The following KCNQ5 variants were observed in gnomAD, a reference collection of about 807,000 sequenced individuals.
KCNQ5 encodes potassium voltage-gated channel subfamily KQT member 5.
Under a neutral mutation model 98.2 loss-of-function variants are expected in KCNQ5, and 30 were observed. That is an observed-to-expected ratio of 0.31 (90% CI 0.23 to 0.41). The LOEUF (loss-of-function observed/expected upper bound fraction) is 0.41. Among genes scored for constraint, KCNQ5 ranks in the 10% least tolerant of loss-of-function variants. KCNQ5 has a pLI of 1.00. For synonymous variants in KCNQ5, 458 were observed against 449.4 expected (o/e 1.02, Z -0.24); for missense variants, 835 against 1,182.5 (o/e 0.71, Z 4.31).
chr6:72,730,264 A>AT (rs1318770097), intron 1 of KCNQ5, among the ~76,000 whole-genome samples: 2 of 152,076 alleles, frequency 1.3e-5, no homozygotes, highest in Non-Finnish European at 2.9e-5. Context: ...AATTGTAAAT[A>AT]TTTTTTGTAT....
At chr6:73,028,724 TG>T in intron 2 of KCNQ5, among the ~76,000 whole-genome samples, 1 of 152,234 alleles carries the variant, frequency 6.6e-6, no homozygotes, top group Non-Finnish European at 1.5e-5. Context: ...TTCTTGTTAA[TG>T]TCCTGTAAAT....
rs1777930067 is a variant in KCNQ5, at chr6:73,169,623, A to G, written c.1469-123A>G. 1.1e-5 allele frequency: 8 copies of G among 695,832 alleles called. No homozygotes were observed. The Admixed American group carries it at 1.7e-4, about 15-fold the overall frequency. The allele number at this position is 695,832 out of a possible 1,614,324, so 43.1% of individuals were successfully genotyped here. A position where few individuals can be genotyped will look rare whatever the true frequency, so the allele number is the denominator to read the frequency against. On this transcript the variant is annotated intron_variant, in intron 10 of 13. Transcript: ENST00000370398. The stretch of plus-strand genomic sequence containing the variant: ...ATTGGCAAGACAATTGGCTGACCTT[A>G]TACATATCTTGGTTTATCAGCTTAC...
At chr6:73,022,902 G>A (rs553903168) in intron 2 of KCNQ5, among the ~76,000 whole-genome samples, 1 of 152,292 alleles carries the variant, frequency 6.6e-6, no homozygotes, top group East Asian at 1.9e-4. Context: ...TTGAAACAGA[G>A]AAGAACCTAC....
chr6:73,148,506 A>T (rs1777010723), intron 10 of KCNQ5, among the ~76,000 whole-genome samples: 1 of 152,236 alleles, frequency 6.6e-6, no homozygotes. Context: ...AAATCACAAA[A>T]AAAGTACTGG....
chr6:73,043,830 T>C (rs1771831096), intron 3 of KCNQ5, among the ~76,000 whole-genome samples: 1 of 152,246 alleles, frequency 6.6e-6, no homozygotes, highest in Non-Finnish European at 1.5e-5. Context: ...TGCCTTTTGA[T>C]AGCTGTTTTC....
At chr6:73,031,951 A>G (rs1771171627) in intron 2 of KCNQ5, among the ~76,000 whole-genome samples, 1 of 152,210 alleles carries the variant, frequency 6.6e-6, no homozygotes, top group Non-Finnish European at 1.5e-5. Flanking sequence ...ACTCCTCCGT[A>G]AGAAAAGATA....
chr6:72,875,116 C>A (rs964484122), intron 1 of KCNQ5, among the ~76,000 whole-genome samples: 8 of 152,070 alleles, frequency 5.3e-5, no homozygotes, highest in Non-Finnish European at 2.9e-5. Flanking sequence ...TTGTTTTATG[C>A]ATAAAGTGAT....
intron 1 of KCNQ5, among the ~76,000 whole-genome samples, chr6:72,876,887 A>C (rs1324900364): frequency 6.6e-6 from 1 of 152,184 alleles, no homozygotes; most frequent in Non-Finnish European, 1.5e-5. Context: ...ACTAAAACAC[A>C]GGAACCTGAG....
intron 2 of KCNQ5, among the ~76,000 whole-genome samples, chr6:73,005,178 CA>C (rs1431582818): frequency 6.6e-6 from 1 of 152,192 alleles, no homozygotes; most frequent in Non-Finnish European, 1.5e-5. Context: ...GTTACCGTTT[CA>C]AAGCCCAAGG....
chr6:73,103,569 G>A (rs1166409959), intron 5 of KCNQ5, among the ~76,000 whole-genome samples: 1 of 152,026 alleles, frequency 6.6e-6, no homozygotes. Context: ...CACCAACATG[G>A]CACATGTATA....
chr6:72,798,485 T>C (rs2154478524), intron 1 of KCNQ5, among the ~76,000 whole-genome samples: 1 of 152,320 alleles, frequency 6.6e-6, no homozygotes. Context: ...CACTTGCATG[T>C]GCTCTCCTCC....
intron 1 of KCNQ5, among the ~76,000 whole-genome samples, chr6:72,962,515 A>G (rs1044232958): frequency 6.6e-6 from 1 of 152,112 alleles, no homozygotes; most frequent in Non-Finnish European, 1.5e-5. Flanking sequence ...ATTAATAAGT[A>G]AAATAAATCA....
chr6:72,662,910 A>G (rs2154472976), intron 1 of KCNQ5, among the ~76,000 whole-genome samples: 1 of 152,368 alleles, frequency 6.6e-6, no homozygotes, highest in Non-Finnish European at 1.5e-5. Context: ...CTTTCTATGC[A>G]TATCAGTGAG....
chr6:72,644,881 C>T (rs1405242870), intron 1 of KCNQ5, among the ~76,000 whole-genome samples: 1 of 152,098 alleles, frequency 6.6e-6, no homozygotes, highest in Non-Finnish European at 1.5e-5. Context: ...CCAAATTGCT[C>T]ATAGTGAATA....
At chr6:73,179,628 G>A (rs1778335573) in intron 11 of KCNQ5, among the ~76,000 whole-genome samples, 1 of 152,134 alleles carries the variant, frequency 6.6e-6, no homozygotes, top group Admixed American at 6.5e-5. Flanking sequence ...GGGTTAAGGG[G>A]GAGAAACCCA....
intron 1 of KCNQ5, among the ~76,000 whole-genome samples, chr6:72,973,386 T>C (rs1364626741): frequency 6.6e-6 from 1 of 152,096 alleles, no homozygotes; most frequent in Non-Finnish European, 1.5e-5. Flanking sequence ...ATGCCATGGA[T>C]TTTTTTGTCA....
Position 73,195,129 on chromosome 6 carries a change from G to A in KCNQ5, c.2514G>A (p.Ser838=), listed in dbSNP as rs775803570. The change falls in exon 14 of 14, where the codon TCG becomes TCA. Residue 838 remains serine (S), a synonymous_variant. Transcript: ENST00000370398. Reference sequence around the variant, plus strand: ...TGTCTGTGCAAAACCTGATCAGGTCGACCGAGGAACTGAATATACAACTTT... The same window carrying A: ...TGTCTGTGCAAAACCTGATCAGGTCAACCGAGGAACTGAATATACAACTTT... ...KSLSVQNLIR[S]TEELNIQLSG... 6.8e-6 allele frequency: 11 copies of A among 1,614,108 alleles called. No homozygotes were observed. In the Admixed American group the frequency reaches 8.3e-5, roughly 12 times the overall value.
At chr6:73,190,321 A>G (rs905431454) in intron 11 of KCNQ5, among the ~76,000 whole-genome samples, 1 of 152,234 alleles carries the variant, frequency 6.6e-6, no homozygotes, top group Non-Finnish European at 1.5e-5. Flanking sequence ...CGGACATTAA[A>G]AAGGCAAAAC....
intron 1 of KCNQ5, chr6:72,676,975 T>C (rs948340000): frequency 6.6e-6 from 1 of 152,152 alleles, no homozygotes; most frequent in Admixed American, 6.6e-5. Context: ...ATTTGGGGTA[T>C]ATGTATGTAT....
Sources: gnomAD v4.1 joint callset for allele counts (sites outside exome capture counted in the v4.1 genomes callset) on GRCh38, gnomAD v4.1.1 for gene constraint, MANE v1.5 for transcripts, NCBI Gene and HGNC (gene_info 2026-07-23, HGNC 2026-07-21) for gene names.